PDE10A: variants seen among roughly 807,000 people sequenced by gnomAD.
The protein encoded by PDE10A is cAMP and cAMP-inhibited cGMP 3',5'-cyclic phosphodiesterase 10A.
In PDE10A, 39 loss-of-function variants were observed where a neutral mutation model predicts 97.7. The observed-to-expected ratio is 0.40, with a 90% CI of 0.31 to 0.52. The LOEUF is 0.52. Among genes scored for constraint, PDE10A ranks in the 20% least tolerant of loss-of-function variants. PDE10A has a pLI of 0.56. For synonymous variants in PDE10A, 371 were observed against 376.8 expected, an observed-to-expected ratio of 0.98 and a Z score of 0.18; for missense variants, 731 against 1,047.8, an observed-to-expected ratio of 0.70 and a Z score of 4.17.
chr6:165,378,384 C>G (rs925396350), intron 18 of PDE10A, among the ~76,000 whole-genome samples: 1 of 152,188 alleles, frequency 6.6e-6, no homozygotes, highest in Non-Finnish European at 1.5e-5. Flanking sequence ...GATGTCCTCA[C>G]TTAAGCAGAA....
intron 3 of PDE10A, among the ~76,000 whole-genome samples, chr6:165,476,053 T>A (rs1440023393): frequency 6.6e-6 from 1 of 151,052 alleles, no homozygotes; most frequent in Admixed American, 6.6e-5. Context: ...ACATGAATAG[T>A]AAACAGACAT....
intron 3 of PDE10A, among the ~76,000 whole-genome samples, chr6:165,477,059 C>T (rs1296822276): frequency 6.6e-6 from 1 of 152,112 alleles, no homozygotes; most frequent in Non-Finnish European, 1.5e-5. Flanking sequence ...GAACAAATGA[C>T]CAACAGAGAT....
chr6:165,816,134 G>A lies in PDE10A; in HGVS notation c.-615+171395C>T, dbSNP rs138015544. Among the ~76,000 whole-genome samples the A allele has an allele frequency of 4.1e-3, 622 of 151,986 alleles. 2 individuals carry two copies. Among genetic ancestry groups the A allele is most frequent in the African/African-American group, 0.014 (582 of 41,468 alleles). On this transcript the variant is annotated intron_variant, in intron 1 of 19. Coordinates refer to the PDE10A transcript ENST00000366882. ...CTGGCTAATTTTTTGTATTTTTAGT[G>A]GAGACGGGGTTTCACCGTGTTAGCC...
upstream of PDE10A, among the ~76,000 whole-genome samples, chr6:165,665,486 G>A (rs1373028723): frequency 3.3e-5 from 5 of 152,170 alleles, no homozygotes; most frequent in East Asian, 1.9e-4. Context: ...CCATAACGGA[G>A]GGAACACTGC....
chr6:165,890,698 C>G (rs1781768793), intron 1 of PDE10A, among the ~76,000 whole-genome samples: 1 of 152,140 alleles, frequency 6.6e-6, no homozygotes, highest in Non-Finnish European at 1.5e-5. Flanking sequence ...AGGTGAAGGA[C>G]AGAACAGGCT....
chr6:165,968,858 C>T (rs1784591190), intron 1 of PDE10A, among the ~76,000 whole-genome samples: 1 of 152,224 alleles, frequency 6.6e-6, no homozygotes, highest in African/African-American at 2.4e-5. Flanking sequence ...TAGGGCCCCA[C>T]TGACCAGGCT....
At chr6:165,861,616 C>T (rs987566165) in intron 1 of PDE10A, among the ~76,000 whole-genome samples, 2 of 151,750 alleles carry the variant, frequency 1.3e-5, no homozygotes, top group South Asian at 2.1e-4. Flanking sequence ...CAACAGCAGT[C>T]GCAGGAGGAC....
intron 18 of PDE10A, among the ~76,000 whole-genome samples, chr6:165,369,452 T>A (rs1784061737): frequency 6.6e-6 from 1 of 151,210 alleles, no homozygotes; most frequent in South Asian, 2.1e-4. Context: ...CAGGAGCTGA[T>A]GCGATCAACT....
chr6:165,871,361 A>G (rs1183656554), intron 1 of PDE10A, among the ~76,000 whole-genome samples: 2 of 152,230 alleles, frequency 1.3e-5, no homozygotes, highest in Non-Finnish European at 2.9e-5. Flanking sequence ...AAGCAAGAAA[A>G]GCTACAGATG....
At chr6:165,636,518 G>A (rs1238920520) in intron 1 of PDE10A, among the ~76,000 whole-genome samples, 1 of 152,116 alleles carries the variant, frequency 6.6e-6, no homozygotes, top group Admixed American at 6.5e-5. Context: ...GAAAAATGCA[G>A]GCAAAACCAG....
At chr6:165,449,050 G>A (rs1170939686) in intron 4 of PDE10A, 73 bp from the exon 5 acceptor site, 2 of 1,033,402 alleles carry the variant, frequency 1.9e-6, no homozygotes, top group Admixed American at 3.5e-5. Flanking sequence ...CCTCCAGGGT[G>A]AGAGGCAGAT....
chr6:165,764,526 G>A (rs1777759160), intron 1 of PDE10A, among the ~76,000 whole-genome samples: 1 of 90,302 alleles, frequency 1.1e-5, no homozygotes, highest in Non-Finnish European at 2.2e-5. Context: ...GGTGTGTCTG[G>A]AGTTTGTTCC....
chr6:165,358,354 CGTTT>C (rs1783168330), intron 18 of PDE10A, among the ~76,000 whole-genome samples: 2 of 151,688 alleles, frequency 1.3e-5, no homozygotes, highest in South Asian at 4.2e-4. Flanking sequence ...TTTTTTTGTT[CGTTT>C]GTTTTTGAAG....
At chr6:165,532,495 T>C (rs554237455) in intron 2 of PDE10A, among the ~76,000 whole-genome samples, 9 of 152,000 alleles carry the variant, frequency 5.9e-5, no homozygotes, top group Non-Finnish European at 5.9e-5. Flanking sequence ...TAAGTGCATG[T>C]AGTTAGAGTA....
intron 1 of PDE10A, among the ~76,000 whole-genome samples, chr6:165,668,256 C>T (rs1344531704): frequency 1.3e-5 from 2 of 152,160 alleles, no homozygotes; most frequent in Non-Finnish European, 2.9e-5. Context: ...AAAGGGTTGG[C>T]TGGGGGCTGA....
intron 1 of PDE10A, among the ~76,000 whole-genome samples, chr6:165,583,379 A>G (rs565219482): frequency 6.6e-6 from 1 of 152,348 alleles, no homozygotes; most frequent in African/African-American, 2.4e-5. Flanking sequence ...CAGGAGGCCA[A>G]AAATCACTTC....
intron 3 of PDE10A, among the ~76,000 whole-genome samples, chr6:165,476,945 A>G (rs374115669): frequency 7.6e-4 from 115 of 152,294 alleles, no homozygotes; most frequent in African/African-American, 2.6e-3. Context: ...TGACATTTTT[A>G]TCTCCCTGTT....
At chr6:165,455,569 AACT>A (rs1482826711) in intron 3 of PDE10A, among the ~76,000 whole-genome samples, 2 of 152,172 alleles carry the variant, frequency 1.3e-5, no homozygotes, top group Non-Finnish European at 2.9e-5. Context: ...AAACTTCAAA[AACT>A]ACTAACTGCT....
intron 1 of PDE10A, among the ~76,000 whole-genome samples, chr6:165,599,805 T>A (rs777441997): frequency 6.6e-6 from 1 of 152,162 alleles, no homozygotes; most frequent in Non-Finnish European, 1.5e-5. Context: ...TGAGCGGGCC[T>A]CCACGGCCTC....
Sources: gnomAD v4.1 joint callset for allele counts (sites outside exome capture counted in the v4.1 genomes callset) on GRCh38, gnomAD v4.1.1 for gene constraint, MANE v1.5 for transcripts, NCBI Gene and HGNC (gene_info 2026-07-23, HGNC 2026-07-21) for gene names.